The following OR9Q2 variants were observed in gnomAD, a reference collection of about 807,000 sequenced individuals.
OR9Q2 encodes the protein olfactory receptor family 9 subfamily Q member 2.
Under a neutral mutation model 2.3 loss-of-function variants are expected in OR9Q2, and 2 were observed. The observed-to-expected ratio is 0.85, with a 90% CI of 0.35 to 2.68. The LOEUF (loss-of-function observed/expected upper bound fraction) is 2.68, where lower values mean the gene tolerates loss of function less well. Ranked by LOEUF, OR9Q2 falls within the 30% of genes most tolerant of loss-of-function variation. The pLI, the probability that OR9Q2 is intolerant of heterozygous loss-of-function variation, is 0.10. For missense variants in OR9Q2, 404 were observed against 395.7 expected (o/e 1.02, Z -0.18); for synonymous variants, 178 against 158.6 (o/e 1.12, Z -0.92).
chr11:58,189,989 T>C (rs569333356), intron 1 of OR9Q2, among the ~76,000 whole-genome samples: 101 of 152,340 alleles, frequency 6.6e-4, no homozygotes, highest in African/African-American at 2.0e-3. Context: ...ATGTTTTTGT[T>C]CAGAGAATAT....
rs1007793483 is a variant in OR9Q2 at position 58,193,402 on chromosome 11, A to C, written c.*1967A>C. Reference sequence around the variant, plus strand: ...CTAGGTACAATGCTAAAAGCTTTACATGAATCCTTTATTTTAGCCCTCCTA... The same window carrying C: ...CTAGGTACAATGCTAAAAGCTTTACCTGAATCCTTTATTTTAGCCCTCCTA... On this transcript the variant is annotated 3_prime_UTR_variant, in exon 2 of 2. Coordinates refer to ENST00000641291, the MANE Select transcript of OR9Q2 (RefSeq NM_001005283.3). The C allele has an allele frequency of 6.6e-6, 1 of 152,352 alleles. No homozygotes were observed. Among genetic ancestry groups the C allele is most frequent in the Non-Finnish European group, 1.5e-5 (1 of 68,038 alleles). The allele number at this position is 152,352 out of a possible 1,614,324, so 9.4% of individuals were successfully genotyped here.
In OR9Q2 at chr11:58,191,303, C is replaced by T. The variant is rs7120468; in HGVS notation, c.813C>T (p.Asp271=). The change falls in exon 2 of 2, where the codon GAC becomes GAT. Residue 271 remains aspartate, a synonymous_variant. Transcript: ENST00000641291. The stretch of plus-strand genomic sequence containing the variant: ...ACACAGGCCAGTCCTCCGAGGGAGA[C>T]CGAGTGGTGTCTGTGCTCTACACGG... ...RDNTGQSSEG[D]RVVSVLYTVV... The T allele has an allele frequency of 0.34, 547,361 of 1,613,480 alleles. 97,995 individuals are homozygous for T. The highest frequency in any genetic ancestry group is 0.72 in the East Asian group (32,237 of 44,802).
Position 58,192,058 on chromosome 11 carries a change from CATTT to C in OR9Q2, c.*627_*630del, listed in dbSNP as rs994093855. ...TATTTTCCAAATTTTGTCATTTATTCATTTATTCTTTCTTTTTTTATCTTCTTGT... is the reference window on the plus strand; with the variant it reads ...TATTTTCCAAATTTTGTCATTTATTCATTCTTTCTTTTTTTATCTTCTTGT... On this transcript the variant is annotated 3_prime_UTR_variant, in exon 2 of 2. Coordinates refer to ENST00000641291, the MANE Select transcript of OR9Q2 (RefSeq NM_001005283.3). 6.6e-6 allele frequency: 1 copy of C among 151,472 alleles called. No homozygotes were observed. The highest frequency in any genetic ancestry group is 1.5e-5 in the Non-Finnish European group (1 of 67,920). 9.4% of individuals were successfully genotyped at this position (151,472 alleles called of 1,614,324 possible). A position where few individuals can be genotyped will look rare whatever the true frequency, so the allele number is the denominator to read the frequency against.
intron 1 of OR9Q2, among the ~76,000 whole-genome samples, chr11:58,189,315 G>C (rs1481067478): frequency 5.3e-5 from 8 of 152,146 alleles, no homozygotes; most frequent in African/African-American, 1.9e-4. Flanking sequence ...GAAGCCCAGA[G>C]AGGAAACGTG....
rs145321222 is a variant in OR9Q2, at chr11:58,191,494, A to G, written c.*59A>G. On this transcript the variant is annotated 3_prime_UTR_variant, in exon 2 of 2. Transcript: ENST00000641291. The stretch of plus-strand genomic sequence containing the variant: ...TCCCCATCTTTTCTGTCTTTTCTCA[A>G]TAGCACCTTCTGGAGAGACTTTCCT... The G allele has an allele frequency of 3.8e-5, 48 of 1,261,828 alleles. No homozygotes were observed. The African/African-American group carries it at 6.0e-4, about 16-fold the overall frequency. The allele number at this position is 1,261,828 out of a possible 1,614,324, so 78.2% of individuals were successfully genotyped here. A position where few individuals can be genotyped will look rare whatever the true frequency, so the allele number is the denominator to read the frequency against.
chr11:58,191,455 A>G lies in OR9Q2; in HGVS notation c.*20A>G. Reference sequence around the variant, plus strand: ...CCCTAAATGGACCCTTGTGAAATATATCATTCCTTAGTTTCCCCATCTTTT... The same window carrying G: ...CCCTAAATGGACCCTTGTGAAATATGTCATTCCTTAGTTTCCCCATCTTTT... On this transcript the variant is annotated 3_prime_UTR_variant, in exon 2 of 2. Coordinates refer to ENST00000641291, the MANE Select transcript of OR9Q2 (RefSeq NM_001005283.3). 6.8e-7 allele frequency: 1 copy of G among 1,473,146 alleles called. No homozygotes were observed. Among genetic ancestry groups the G allele is most frequent in the South Asian group, 1.3e-5 (1 of 77,554 alleles). 91.3% of individuals were successfully genotyped at this position (1,473,146 alleles called of 1,614,324 possible). A position where few individuals can be genotyped will look rare whatever the true frequency, so the allele number is the denominator to read the frequency against.
rs766351694 is a variant in OR9Q2 at position 58,193,644 on chromosome 11, C to G, written c.*2209C>G. ...CTTCTCCTTCTCCCAGGCCCTAGTTCCTGGTTATAGTTTGCTTCAGAGGTT... is the reference window on the plus strand; with the variant it reads ...CTTCTCCTTCTCCCAGGCCCTAGTTGCTGGTTATAGTTTGCTTCAGAGGTT... On this transcript the variant is annotated 3_prime_UTR_variant, in exon 2 of 2. Transcript: ENST00000641291. 2 of 152,198 alleles carry G rather than the reference C, an allele frequency of 1.3e-5. No homozygotes were observed. The highest frequency in any genetic ancestry group is 4.8e-5 in the African/African-American group (2 of 41,424). 9.4% of individuals were successfully genotyped at this position (152,198 alleles called of 1,614,324 possible). A position where few individuals can be genotyped will look rare whatever the true frequency, so the allele number is the denominator to read the frequency against.
At position 58,190,748 on chromosome 11, in the gene OR9Q2, G is replaced by C. The variant is rs768134474; in HGVS notation, c.258G>C (p.Trp86Cys). The C allele has an allele frequency of 6.2e-7, 1 of 1,614,146 alleles. No individual in the cohort carries two copies. The highest frequency in any genetic ancestry group is 8.5e-7 in the Non-Finnish European group (1 of 1,180,026). Residue 86 changes from tryptophan to cysteine, a missense_variant, in exon 2 of 2, where the codon TGG (tryptophan) becomes TGC (cysteine). Trp to Cys is a radical substitution (Grantham distance 215). Coordinates refer to ENST00000641291, the MANE Select transcript of OR9Q2 (RefSeq NM_001005283.3). Reference protein sequence around the residue: ...AIIPQMLAVLWEHGTTISQAR... With the variant: ...AIIPQMLAVLCEHGTTISQAR... ...TCCCTCAGATGCTGGCTGTGCTGTG[G>C]GAGCACGGCACAACCATCTCCCAGG...
intron 1 of OR9Q2, among the ~76,000 whole-genome samples, chr11:58,189,770 G>C (rs892551576): frequency 6.6e-6 from 1 of 152,108 alleles, no homozygotes; most frequent in Non-Finnish European, 1.5e-5. Context: ...AGCTTTGTTA[G>C]GTGCCCAAAA....
rs556108528 is a variant in OR9Q2, at chr11:58,189,405, C to T, written c.-173+297C>T. 3.3e-5 allele frequency among the ~76,000 whole-genome samples: 5 copies of T among 152,244 alleles called. No homozygotes were observed. In the East Asian group the frequency reaches 9.7e-4, roughly 29 times the overall value. On this transcript the variant is annotated intron_variant, in intron 1 of 1. Coordinates refer to ENST00000641291, the MANE Select transcript of OR9Q2 (RefSeq NM_001005283.3). ...GGCTTGGCAGGTGATGGGCAGACAA[C>T]ACACTAAACAAAAGAGGAGGGCATT... is the stretch of plus-strand genomic sequence containing the variant.
In OR9Q2 at chr11:58,191,493, AATAG is replaced by A; in HGVS notation, c.*59_*62del. 2 of 1,267,588 alleles carry A rather than the reference AATAG, an allele frequency of 1.6e-6. No homozygotes were observed. The highest frequency in any genetic ancestry group is 2.2e-6 in the Non-Finnish European group (2 of 911,584). 78.5% of individuals were successfully genotyped at this position (1,267,588 alleles called of 1,614,324 possible). A position where few individuals can be genotyped will look rare whatever the true frequency, so the allele number is the denominator to read the frequency against. On this transcript the variant is annotated 3_prime_UTR_variant, in exon 2 of 2. Transcript: ENST00000641291. ...TTCCCCATCTTTTCTGTCTTTTCTCAATAGCACCTTCTGGAGAGACTTTCCTAAA... is the reference window on the plus strand; with the variant it reads ...TTCCCCATCTTTTCTGTCTTTTCTCACACCTTCTGGAGAGACTTTCCTAAA...
rs757408505 is a variant in OR9Q2, at chr11:58,190,722, A to G, written c.232A>G (p.Ile78Val). The change falls in exon 2 of 2, where the codon ATC (isoleucine) becomes GTC (valine). Residue 78 changes from isoleucine (I) to valine (V), a missense_variant. Transcript: ENST00000641291. ...GGACATCTGCTACTCGTCCGCCATC[A>G]TCCCTCAGATGCTGGCTGTGCTGTG... Reference protein sequence around the residue: ...LVDICYSSAIIPQMLAVLWEH... With the variant: ...LVDICYSSAIVPQMLAVLWEH... 4.6e-5 allele frequency: 74 copies of G among 1,614,056 alleles called. No homozygotes were observed. The highest frequency in any genetic ancestry group is 6.1e-5 in the Non-Finnish European group (72 of 1,180,044).
Position 58,192,360 on chromosome 11 carries a change from G to A in OR9Q2, c.*925G>A, listed in dbSNP as rs1025572365. 2 of 152,168 alleles carry A rather than the reference G, an allele frequency of 1.3e-5. No homozygotes were observed. The highest frequency in any genetic ancestry group is 1.3e-4 in the Admixed American group (2 of 15,274). The allele number at this position is 152,168 out of a possible 1,614,324, so 9.4% of individuals were successfully genotyped here. ...GTTGGGTGGGGCTTCCACCCAGCTAGGCCTGAGCTCCTATCGGACACACAC... is the reference window on the plus strand; with the variant it reads ...GTTGGGTGGGGCTTCCACCCAGCTAAGCCTGAGCTCCTATCGGACACACAC... On this transcript the variant is annotated 3_prime_UTR_variant, in exon 2 of 2. Transcript: ENST00000641291.
rs748013665 is a variant in OR9Q2, at chr11:58,190,692, TTGG to T, written c.206_208del (p.Val69del). ...GTACTTCTTCCTCAGCCACCTTTCC[TTGG>T]TGGACATCTGCTACTCGTCCGCCAT... On this transcript the variant is annotated inframe_deletion, in exon 2 of 2. Coordinates refer to ENST00000641291, the MANE Select transcript of OR9Q2 (RefSeq NM_001005283.3). 6.2e-7 allele frequency: 1 copy of T among 1,614,196 alleles called. No homozygotes were observed. The highest frequency in any genetic ancestry group is 8.5e-7 in the Non-Finnish European group (1 of 1,180,018).
chr11:58,190,059 G>T (rs1341439421), intron 1 of OR9Q2, among the ~76,000 whole-genome samples: 1 of 152,122 alleles, frequency 6.6e-6, no homozygotes, highest in African/African-American at 2.4e-5. Context: ...TATATGTGGA[G>T]TGCTTTTAGC....
chr11:58,190,188 C>A lies in OR9Q2; in HGVS notation c.-172-131C>A, dbSNP rs1854744510. ...AATTGAGGTTCAGAGAGGTTAAGTG[C>A]CTTGTGTAAGATCAAACAGCTAATT... On this transcript the variant is annotated intron_variant, in intron 1 of 1. Transcript: ENST00000641291. The A allele has an allele frequency of 5.5e-5, 19 of 345,364 alleles. No homozygotes were observed. The Admixed American group carries it at 6.9e-4, about 13-fold the overall frequency. 21.4% of individuals were successfully genotyped at this position (345,364 alleles called of 1,614,324 possible). A position where few individuals can be genotyped will look rare whatever the true frequency, so the allele number is the denominator to read the frequency against.
At position 58,190,733 on chromosome 11, in the gene OR9Q2, G is replaced by A; in HGVS notation, c.243G>A (p.Met81Ile). The change falls in exon 2 of 2, where the codon ATG (methionine) becomes ATA (isoleucine). Residue 81 changes from methionine (M) to isoleucine (I), a missense_variant. Met to Ile is a conservative substitution (Grantham distance 10, BLOSUM62 1). Coordinates refer to ENST00000641291, the MANE Select transcript of OR9Q2 (RefSeq NM_001005283.3). The part of the protein sequence containing the change: ...ICYSSAIIPQ[M>I]LAVLWEHGTT... ...ACTCGTCCGCCATCATCCCTCAGAT[G>A]CTGGCTGTGCTGTGGGAGCACGGCA... The A allele has an allele frequency of 6.2e-7, 1 of 1,614,164 alleles. No homozygotes were observed. Among genetic ancestry groups the A allele is most frequent in the South Asian group, 1.1e-5 (1 of 91,078 alleles).
Position 58,190,985 on chromosome 11 carries a change from T to G in OR9Q2, c.495T>G (p.Thr165=). ...TTGTTCGAACGGTCACAGCCTTCAC[T>G]CTCTCCTTTTGTGGAAACAATGAGA... is the stretch of plus-strand genomic sequence containing the variant. ...SAFVRTVTAF[T]LSFCGNNEIN... is the part of the protein sequence containing the mutation. The change falls in exon 2 of 2, where the codon ACT becomes ACG. Residue 165 remains threonine (T), a synonymous_variant. Transcript: ENST00000641291. 1.2e-6 allele frequency: 2 copies of G among 1,614,216 alleles called. No homozygotes were observed. The highest frequency in any genetic ancestry group is 1.1e-5 in the South Asian group (1 of 91,084).
rs757734780 is a variant in OR9Q2, at chr11:58,190,468, G to A, written c.-23G>A. 15 of 1,549,500 alleles carry A rather than the reference G, an allele frequency of 9.7e-6. No homozygotes were observed. Among genetic ancestry groups the A allele is most frequent in the Admixed American group, 1.7e-5 (1 of 59,460 alleles). On this transcript the variant is annotated 5_prime_UTR_variant, in exon 2 of 2. Transcript: ENST00000641291. Reference sequence around the variant, plus strand: ...CCCTCATCTGGCTCTTGTCTTAGCCGTTGCAGGTGAACCACTGGATGGATG... The same window carrying A: ...CCCTCATCTGGCTCTTGTCTTAGCCATTGCAGGTGAACCACTGGATGGATG...
Sources: allele counts gnomAD v4.1 joint callset (sites outside exome capture counted in the v4.1 genomes callset), GRCh38; gene constraint gnomAD v4.1.1; transcripts MANE v1.5; gene names NCBI Gene and HGNC (gene_info 2026-07-23, HGNC 2026-07-21).